Variants in ZFHX3 observed in about 807,000 individuals in gnomAD.
ZFHX3 encodes zinc finger homeobox protein 3.
ZFHX3 carries 42 observed loss-of-function variants against 279.1 expected under a neutral mutation model. That is an observed-to-expected ratio of 0.15 (90% CI 0.12 to 0.19). The LOEUF (loss-of-function observed/expected upper bound fraction) is 0.19, where lower values mean the gene tolerates loss of function less well. Among genes scored for constraint, ZFHX3 ranks in the 10% least tolerant of loss-of-function variants. ZFHX3 has a pLI of 1.00. For synonymous variants in ZFHX3, 2,293 were observed against 1,957.8 expected (o/e 1.17, Z -4.52); for missense variants, 4,981 against 4,754.0 (o/e 1.05, Z -1.40).
At chr16:73,780,162 G>A (rs1292664497) in intron 1 of ZFHX3, among the ~76,000 whole-genome samples, 1 of 41,574 alleles carries the variant, frequency 2.4e-5, no homozygotes, top group Non-Finnish European at 5.1e-5. Context: ...TTTTTTTTGA[G>A]GCAGAGTCTT....
intron 4 of ZFHX3, among the ~76,000 whole-genome samples, chr16:72,882,828 C>G (rs368413802): frequency 1.1e-4 from 17 of 152,266 alleles, no homozygotes; most frequent in Admixed American, 9.2e-4. Flanking sequence ...ATTTCCCTGA[C>G]TCTGGCTTCA....
At chr16:72,813,420 ACAAT>A (rs767391513) in intron 5 of ZFHX3, among the ~76,000 whole-genome samples, 1 of 152,234 alleles carries the variant, frequency 6.6e-6, no homozygotes, top group Non-Finnish European at 1.5e-5. Flanking sequence ...ACAATTTTAG[ACAAT>A]CAATTTTATT....
chr16:73,046,238 G>T (rs998665262), intron 1 of ZFHX3, among the ~76,000 whole-genome samples: 1 of 152,124 alleles, frequency 6.6e-6, no homozygotes, highest in African/African-American at 2.4e-5. Flanking sequence ...TCAATTATTT[G>T]GAACCGTGGT....
chr16:72,975,478 T>C (rs750251867), intron 1 of ZFHX3, among the ~76,000 whole-genome samples: 2 of 151,818 alleles, frequency 1.3e-5, no homozygotes, highest in African/African-American at 4.8e-5. Context: ...GAGAGAGGGG[T>C]GTACAGGGGG....
intron 1 of ZFHX3, among the ~76,000 whole-genome samples, chr16:73,029,871 C>T (rs958672780): frequency 4.6e-4 from 70 of 152,162 alleles, no homozygotes; most frequent in African/African-American, 1.6e-3. Context: ...CATGTCTCTG[C>T]TCCAATAAGG....
intron 2 of ZFHX3, chr16:73,608,604 C>A (rs991279521): frequency 1.3e-5 from 2 of 152,142 alleles, no homozygotes; most frequent in East Asian, 3.9e-4. Flanking sequence ...AAGCAGAAAA[C>A]AACAATTTTT....
intron 2 of ZFHX3, among the ~76,000 whole-genome samples, chr16:73,490,701 G>A (rs956554568): frequency 6.6e-6 from 1 of 152,136 alleles, no homozygotes; most frequent in Non-Finnish European, 1.5e-5. Flanking sequence ...AGCCAAGCGT[G>A]GTGGCACGTG....
At chr16:72,792,433 T>G (rs1273261109) in intron 9 of ZFHX3, among the ~76,000 whole-genome samples, 1 of 152,170 alleles carries the variant, frequency 6.6e-6, no homozygotes, top group Non-Finnish European at 1.5e-5. Context: ...ATTAAGGATC[T>G]ACCACATAAG....
At position 72,796,219 on chromosome 16, in the gene ZFHX3, C is replaced by G. The variant is rs2143428026; in HGVS notation, c.6463G>C (p.Asp2155His). 6.2e-7 allele frequency: 1 copy of G among 1,614,104 alleles called. No individual in the cohort carries two copies. Among genetic ancestry groups the G allele is most frequent in the Non-Finnish European group, 8.5e-7 (1 of 1,180,038 alleles). The part of the protein sequence containing the change: ...NKRPRTRITD[D>H]QLRVLRQYFD... The stretch of plus-strand genomic sequence containing the variant: ...TATTGCCGCAAGACTCGGAGCTGAT[C>G]ATCTGTGATCCTGGTGCGAGGCCTC... The change falls in exon 9 of 10, where the codon GAT becomes CAT. Residue 2155 changes from aspartate (D) to histidine (H), a missense_variant. Asp to His is a moderately conservative substitution (Grantham distance 81, BLOSUM62 -1). Transcript: ENST00000268489.
At chr16:73,484,893 G>C (rs2018946156) in intron 2 of ZFHX3, among the ~76,000 whole-genome samples, 1 of 151,956 alleles carries the variant, frequency 6.6e-6, no homozygotes, top group Admixed American at 6.6e-5. Context: ...ACACAGAAAG[G>C]AATATAAATC....
At chr16:73,010,535 A>G (rs960676184) in intron 1 of ZFHX3, among the ~76,000 whole-genome samples, 20 of 152,328 alleles carry the variant, frequency 1.3e-4, no homozygotes, top group African/African-American at 4.8e-4. Context: ...ATTATCAGAG[A>G]GCCCGGCACA....
chr16:72,788,802 A>G lies in ZFHX3; in HGVS notation c.9474T>C (p.Thr3158=). 1 of 1,542,224 alleles carries G rather than the reference A, an allele frequency of 6.5e-7. No individual in the cohort carries two copies. Among genetic ancestry groups the G allele is most frequent in the Admixed American group, 2.0e-5 (1 of 48,846 alleles). ...AAGTGGGGAGGCCAGGGGAAGGAAC[A>G]GTTGTGCTGGGCAGACCCATCAAGT... ...KPNLMGLPST[T]VPSPGLPTSG... Residue 3158 remains threonine, a synonymous_variant, in exon 10 of 10, where the codon ACT becomes ACC. Transcript: ENST00000268489.
At chr16:72,918,948 G>A (rs993033500) in intron 3 of ZFHX3, among the ~76,000 whole-genome samples, 3 of 151,884 alleles carry the variant, frequency 2.0e-5, no homozygotes, top group South Asian at 2.1e-4. Context: ...TTCCTGCCTC[G>A]GCCTCCCAAA....
In ZFHX3 at chr16:73,887,862, T is replaced by A. The variant is rs189308046; in HGVS notation, c.-1608+3789A>T. 3.6e-3 allele frequency among the ~76,000 whole-genome samples: 541 copies of A among 152,136 alleles called. 5 individuals are homozygous for A. Among genetic ancestry groups the A allele is most frequent in the African/African-American group, 0.01 (426 of 41,498 alleles). Reference sequence around the variant, plus strand: ...CAACACTTAAAATCTGAATTTTTTTTAAAAAAACAAACTTTTCCACCTCTT... The same window carrying A: ...CAACACTTAAAATCTGAATTTTTTTAAAAAAAACAAACTTTTCCACCTCTT... On this transcript the variant is annotated intron_variant, in intron 1 of 17. Coordinates refer to the ZFHX3 transcript ENST00000641206.
chr16:73,873,888 C>T (rs1210255288), intron 1 of ZFHX3, among the ~76,000 whole-genome samples: 1 of 151,634 alleles, frequency 6.6e-6, no homozygotes, highest in Non-Finnish European at 1.5e-5. Context: ...AAAAATCATA[C>T]AGAAATCTGC....
rs774296515 is a variant in ZFHX3, at chr16:72,793,404, A to G, written c.9278T>C (p.Leu3093Pro). The G allele has an allele frequency of 4.3e-6, 7 of 1,614,120 alleles. No individual in the cohort carries two copies. The East Asian group carries it at 1.6e-4, about 36-fold the overall frequency. The change falls in exon 9 of 10, where the codon CTG (leucine) becomes CCG (proline). Residue 3093 changes from leucine to proline, a missense_variant. This residue lies in a region of ZFHX3 where 168 missense variants were observed against 249.1 expected (regional missense o/e 0.67). Transcript: ENST00000268489. The surrounding 1 kb of genome is among the most constrained non-coding windows in gnomAD (Gnocchi z 4.3). The stretch of plus-strand genomic sequence containing the variant: ...AAACATCCCTTGCTGCTGAGCTGCC[A>G]GTCCAAGGACCTCGTTGGCCTTTTT... The part of the protein sequence containing the change: ...RIKKANEVLG[L>P]AAQQQGMFDN...
At chr16:72,967,331 A>G (rs2144495232) in intron 1 of ZFHX3, among the ~76,000 whole-genome samples, 2 of 152,210 alleles carry the variant, frequency 1.3e-5, no homozygotes, top group African/African-American at 4.8e-5. Flanking sequence ...TGTCAAAATG[A>G]CCTAGGAGTG....
chr16:73,372,759 A>T (rs2016653924), intron 3 of ZFHX3, among the ~76,000 whole-genome samples: 1 of 152,216 alleles, frequency 6.6e-6, no homozygotes, highest in Non-Finnish European at 1.5e-5. Flanking sequence ...GAATTTCCAC[A>T]TGAATCACAG....
At chr16:73,372,948 G>A (rs999180254) in intron 3 of ZFHX3, among the ~76,000 whole-genome samples, 1 of 152,106 alleles carries the variant, frequency 6.6e-6, no homozygotes, top group South Asian at 2.1e-4. Flanking sequence ...ATAAATAACA[G>A]TCCCAATCCC....
Sources: allele counts gnomAD v4.1 joint callset (sites outside exome capture counted in the v4.1 genomes callset), GRCh38; gene constraint gnomAD v4.1.1; regional missense constraint gnomAD v4.1.1; non-coding constraint Gnocchi (gnomAD v3.1); transcripts MANE v1.5; gene names NCBI Gene and HGNC (gene_info 2026-07-23, HGNC 2026-07-21).